The following SEPTIN3 variants were observed in gnomAD, a reference collection of about 807,000 sequenced individuals.
SEPTIN3 encodes the protein septin 3.
SEPTIN3 carries 15 observed loss-of-function variants against 45.1 expected under a neutral mutation model. The observed-to-expected ratio is 0.33, with a 90% confidence interval of 0.22 to 0.51. The LOEUF is 0.51. Ranked by LOEUF, SEPTIN3 falls within the 20% of genes least tolerant of loss-of-function variation. SEPTIN3 has a pLI of 0.97. For missense variants in SEPTIN3, 289 were observed against 457.2 expected (o/e 0.63, Z 3.35); for synonymous variants, 148 against 164.8 (o/e 0.90, Z 0.78).
Position 41,994,951 on chromosome 22 carries a change from G to T in SEPTIN3, c.2505+237G>T. ...AGAGAGAGAGCGAGAGAGCCTGTGT[G>T]TGTGCATGCAGGGGTGAGGTATTTT... On this transcript the variant is annotated intron_variant, in intron 11 of 11. Transcript: ENST00000644076. The surrounding 1 kb of genome is among the most constrained non-coding windows in gnomAD (Gnocchi z 4.2). 7.0e-7 allele frequency: 1 copy of T among 1,424,994 alleles called. No homozygotes were observed. Among genetic ancestry groups the T allele is most frequent in the Middle Eastern group, 2.0e-4 (1 of 5,114 alleles). 88.3% of individuals were successfully genotyped at this position (1,424,994 alleles called of 1,614,324 possible).
Position 41,987,604 on chromosome 22 carries a change from A to G in SEPTIN3, c.1908-18A>G. 3 of 1,602,998 alleles carry G rather than the reference A, an allele frequency of 1.9e-6. No homozygotes were observed. The highest frequency in any genetic ancestry group is 2.6e-6 in the Non-Finnish European group (3 of 1,170,982). Reference sequence around the variant, plus strand: ...TCTTGTTCTTCTGATGCATCTATCTACTTTCCCTCCCCATCAGCTGGGAGC... The same window carrying G: ...TCTTGTTCTTCTGATGCATCTATCTGCTTTCCCTCCCCATCAGCTGGGAGC... On this transcript the variant is annotated intron_variant, in intron 5 of 11. Coordinates refer to ENST00000644076, the MANE Select transcript of SEPTIN3 (RefSeq NM_001363845.2).
intron 2 of SEPTIN3, among the ~76,000 whole-genome samples, chr22:41,973,806 C>A (rs1290430286): frequency 1.3e-5 from 2 of 151,736 alleles, no homozygotes; most frequent in Non-Finnish European, 2.9e-5. Flanking sequence ...CATGGTGATA[C>A]CCCGTCTCTA....
chr22:41,987,688 C>T lies in SEPTIN3; in HGVS notation c.1974C>T (p.Ile658=), dbSNP rs747793057. 6.8e-6 allele frequency: 11 copies of T among 1,613,970 alleles called. No homozygotes were observed. Among genetic ancestry groups the T allele is most frequent in the East Asian group, 6.7e-5 (3 of 44,902 alleles). Residue 658 remains isoleucine, a synonymous_variant, in exon 6 of 12, where the codon ATC becomes ATT. Coordinates refer to ENST00000644076, the MANE Select transcript of SEPTIN3 (RefSeq NM_001363845.2). ...YEKFLKEEVN[I]ARKKRIPDTR... ...AGTTCCTGAAGGAGGAGGTCAACAT[C>T]GCCAGGAAGAAACGCATCCCTGACA...
Position 41,991,671 on chromosome 22 carries a change from G to A in SEPTIN3, c.2259+3G>A. The stretch of plus-strand genomic sequence containing the variant: ...AGACGGAGAATGACAAAATCAGGGT[G>A]GGTGCCTGGGGCACTGCTCCTCCAC... On this transcript the variant is annotated splice_donor_region_variant and intron_variant, in intron 8 of 11. Coordinates refer to ENST00000644076, the MANE Select transcript of SEPTIN3 (RefSeq NM_001363845.2). 2 of 1,598,012 alleles carry A rather than the reference G, an allele frequency of 1.3e-6. No homozygotes were observed. Among genetic ancestry groups the A allele is most frequent in the Non-Finnish European group, 1.7e-6 (2 of 1,165,354 alleles).
chr22:41,975,714 T>A (rs1431220605), intron 2 of SEPTIN3, among the ~76,000 whole-genome samples: 4 of 152,158 alleles, frequency 2.6e-5, no homozygotes, highest in Non-Finnish European at 5.9e-5. Context: ...TGCCATCTCA[T>A]CCAGTCTACT....
In SEPTIN3 at chr22:41,991,650, G is replaced by A. The variant is rs35169595; in HGVS notation, c.2241G>A (p.Thr747=). The change falls in exon 8 of 12, where the codon ACG becomes ACA. Residue 747 remains threonine (T), a synonymous_variant. Coordinates refer to ENST00000644076, the MANE Select transcript of SEPTIN3 (RefSeq NM_001363845.2). The stretch of plus-strand genomic sequence containing the variant: ...TTGATGAGGATTTGGAGGATAAGAC[G>A]GAGAATGACAAAATCAGGGTGGGTG... ...KEFDEDLEDK[T]ENDKIRQESM... is the part of the protein sequence containing the mutation. 7,671 of 1,613,274 alleles carry A rather than the reference G, an allele frequency of 4.8e-3. 312 individuals carry two copies. The African/African-American group carries it at 0.089, about 19-fold the overall frequency.
At chr22:41,973,715 G>A (rs188635781) in intron 2 of SEPTIN3, among the ~76,000 whole-genome samples, 6 of 151,488 alleles carry the variant, frequency 4.0e-5, no homozygotes, top group East Asian at 3.9e-4. Flanking sequence ...GCACAGTGGC[G>A]CACACCTGTA....
At chr22:41,993,389 A>G (rs2078356359) in intron 9 of SEPTIN3, among the ~76,000 whole-genome samples, 1 of 151,930 alleles carries the variant, frequency 6.6e-6, no homozygotes, top group South Asian at 2.1e-4. Flanking sequence ...CAGTGGCGCA[A>G]TCTCAGCTCA....
At chr22:41,993,138 G>A (rs1320589285) in intron 9 of SEPTIN3, among the ~76,000 whole-genome samples, 1 of 152,170 alleles carries the variant, frequency 6.6e-6, no homozygotes, top group Non-Finnish European at 1.5e-5. Flanking sequence ...ACCCTGGGCG[G>A]GTCTTGATGA....
chr22:41,976,091 C>T lies in SEPTIN3; in HGVS notation c.1504+3095C>T, dbSNP rs1162900470. ...CCTCACCTCTGCTGTCCTCTCTTTG[C>T]AGAATACCTCTCCCTTTCCATTCTT... On this transcript the variant is annotated intron_variant, in intron 2 of 11. Coordinates refer to ENST00000644076, the MANE Select transcript of SEPTIN3 (RefSeq NM_001363845.2). The surrounding 1 kb of genome is among the most constrained non-coding windows in gnomAD (Gnocchi z 5.8). Among the ~76,000 whole-genome samples the T allele has an allele frequency of 1.3e-5, 2 of 152,156 alleles. No individual in the cohort carries two copies. Among genetic ancestry groups the T allele is most frequent in the African/African-American group, 4.8e-5 (2 of 41,412 alleles).
intron 11 of SEPTIN3, chr22:41,995,448 T>A: frequency 2.0e-6 from 2 of 985,570 alleles, no homozygotes; most frequent in Non-Finnish European, 2.4e-6. Flanking sequence ...TCCACTCAAC[T>A]GGCCTCTGCT....
At chr22:41,992,071 G>C (rs5758536) in intron 8 of SEPTIN3, among the ~76,000 whole-genome samples, 112,227 of 151,584 alleles carry the variant, frequency 0.74, 41,666 homozygotes, top group East Asian at 0.9. Context: ...GGCTTCCCCC[G>C]CTAGAATAAC....
At chr22:41,977,468 A>G (rs2078048418) in intron 2 of SEPTIN3, among the ~76,000 whole-genome samples, 1 of 151,992 alleles carries the variant, frequency 6.6e-6, no homozygotes, top group Non-Finnish European at 1.5e-5. Context: ...TGAGACAGGC[A>G]CCAGCTGGTG....
intron 2 of SEPTIN3, among the ~76,000 whole-genome samples, chr22:41,975,260 T>A (rs1412173698): frequency 6.6e-6 from 1 of 152,218 alleles, no homozygotes; most frequent in Non-Finnish European, 1.5e-5. Context: ...GTAAGCTGAT[T>A]GGAATCCAGA....
At chr22:41,978,796 A>G (rs1401092327) in intron 2 of SEPTIN3, among the ~76,000 whole-genome samples, 1 of 152,118 alleles carries the variant, frequency 6.6e-6, no homozygotes, top group Non-Finnish European at 1.5e-5. Context: ...AGTGAATGTG[A>G]TGAGTACCAG....
chr22:41,994,406 G>C lies in SEPTIN3; in HGVS notation c.2411+65G>C. 1 of 1,570,308 alleles carries C rather than the reference G, an allele frequency of 6.4e-7. No individual in the cohort carries two copies. Among genetic ancestry groups the C allele is most frequent in the South Asian group, 1.1e-5 (1 of 90,028 alleles). On this transcript the variant is annotated intron_variant, in intron 10 of 11. Transcript: ENST00000644076. This position sits in a 1 kb window ranked among gnomAD's most constrained non-coding sequence, Gnocchi z 4.2. ...AATTATTTGGGGTCAGGGTCTATCT[G>C]TTCAGATTCACCTCCTGCATCTCCA...
chr22:41,984,335 A>G (rs916224903), intron 3 of SEPTIN3, among the ~76,000 whole-genome samples: 7 of 152,310 alleles, frequency 4.6e-5, no homozygotes, highest in Admixed American at 4.6e-4. Context: ...TCACCAGCCC[A>G]GTATTTCTTA....
intron 2 of SEPTIN3, among the ~76,000 whole-genome samples, chr22:41,974,898 C>T (rs548951522): frequency 6.7e-6 from 1 of 148,648 alleles, no homozygotes; most frequent in African/African-American, 2.5e-5. Flanking sequence ...AGCAAGCCTC[C>T]TACCTCCTAC....
At chr22:41,996,757 T>C in intron 11 of SEPTIN3, 145 bp from the exon 12 acceptor site, 1 of 1,519,698 alleles carries the variant, frequency 6.6e-7, no homozygotes, top group Admixed American at 2.1e-5. Flanking sequence ...TCTATGGGCA[T>C]GGGAGGTGGG....
Sources: gnomAD v4.1 joint callset for allele counts (sites outside exome capture counted in the v4.1 genomes callset) on GRCh38, gnomAD v4.1.1 for gene constraint, Gnocchi (gnomAD v3.1) non-coding constraint, MANE v1.5 for transcripts, NCBI Gene and HGNC (gene_info 2026-07-23, HGNC 2026-07-21) for gene names.